The following ME1 variants were observed in gnomAD, a reference collection of about 807,000 sequenced individuals.
The protein encoded by ME1 is malic enzyme 1.
In ME1, 74 loss-of-function variants were observed where a neutral mutation model predicts 66.4. The observed-to-expected ratio is 1.11, with a 90% confidence interval of 0.92 to 1.35. ME1 has a LOEUF of 1.35. Ranked by LOEUF, ME1 falls within the 40% of genes most tolerant of loss-of-function variation. The pLI is 0.00. For synonymous variants in ME1, 251 were observed against 235.6 expected, an observed-to-expected ratio of 1.07 and a Z score of -0.60; for missense variants, 750 against 694.1, an observed-to-expected ratio of 1.08 and a Z score of -0.90.
At chr6:83,319,414 C>A (rs559912718) in intron 5 of ME1, among the ~76,000 whole-genome samples, 46 of 152,052 alleles carry the variant, frequency 3.0e-4, no homozygotes, top group African/African-American at 9.9e-4. Flanking sequence ...AGGAAGGAGG[C>A]CTATTTTGAA....
intron 3 of ME1, among the ~76,000 whole-genome samples, chr6:83,359,092 G>A (rs1250140106): frequency 1.3e-5 from 2 of 151,820 alleles, no homozygotes; most frequent in African/African-American, 2.4e-5. Context: ...GGGGTGGCTG[G>A]GCAGAGGCGC....
chr6:83,344,149 G>A (rs1044340281), intron 5 of ME1, among the ~76,000 whole-genome samples: 1 of 151,512 alleles, frequency 6.6e-6, no homozygotes, highest in African/African-American at 2.4e-5. Flanking sequence ...AGATTGGTGT[G>A]GTGGTGCACA....
intron 6 of ME1, among the ~76,000 whole-genome samples, chr6:83,260,591 T>C (rs1028201209): frequency 6.6e-6 from 1 of 152,106 alleles, no homozygotes; most frequent in Non-Finnish European, 1.5e-5. Context: ...CCCTCTGGGG[T>C]GGTGATGAGA....
chr6:83,346,464 A>G (rs899783827), intron 4 of ME1, 130 bp from the exon 5 acceptor site: 1 of 522,356 alleles, frequency 1.9e-6, no homozygotes, highest in Non-Finnish European at 3.2e-6. Context: ...AATATTTATG[A>G]AAAAGATTTT....
intron 6 of ME1, among the ~76,000 whole-genome samples, chr6:83,293,131 T>G (rs1169344050): frequency 2.0e-5 from 3 of 152,158 alleles, no homozygotes; most frequent in Non-Finnish European, 2.9e-5. Context: ...CTGCTTCAGC[T>G]TGCCCTCTGT....
chr6:83,427,866 G>A (rs1369606538), intron 1 of ME1, among the ~76,000 whole-genome samples: 3 of 152,024 alleles, frequency 2.0e-5, no homozygotes, highest in Admixed American at 6.5e-5. Context: ...ATAGAAATTA[G>A]CTGGGCATAG....
At chr6:83,351,887 C>A (rs1331149825) in intron 4 of ME1, among the ~76,000 whole-genome samples, 177 bp downstream of exon 4, 1 of 151,910 alleles carries the variant, frequency 6.6e-6, no homozygotes, top group African/African-American at 2.4e-5. Context: ...ATCTAAATGG[C>A]ATCAGAATAA....
intron 6 of ME1, among the ~76,000 whole-genome samples, chr6:83,265,337 T>A (rs982789083): frequency 6.6e-6 from 1 of 152,074 alleles, no homozygotes; most frequent in Admixed American, 6.6e-5. Context: ...CACTCCATCA[T>A]CCAGACTGGA....
chr6:83,211,892 C>T lies in ME1; in HGVS notation c.*32G>A. 6.8e-7 allele frequency: 1 copy of T among 1,464,692 alleles called. No individual in the cohort carries two copies. Among genetic ancestry groups the T allele is most frequent in the South Asian group, 1.5e-5 (1 of 66,778 alleles). The allele number at this position is 1,464,692 out of a possible 1,614,324, so 90.7% of individuals were successfully genotyped here. On this transcript the variant is annotated 3_prime_UTR_variant, in exon 14 of 14. Coordinates refer to ENST00000369705, the MANE Select transcript of ME1 (RefSeq NM_002395.6). ...AAAATTATGAAAGGTTTAAAGACCT[C>T]ATTAATAGAGTTAGAAATGTTTGCT...
intron 6 of ME1, among the ~76,000 whole-genome samples, chr6:83,305,282 A>G (rs1767803195): frequency 6.6e-6 from 1 of 152,166 alleles, no homozygotes; most frequent in Non-Finnish European, 1.5e-5. Flanking sequence ...CATATCTTCT[A>G]GTGGAAGAAA....
At chr6:83,285,078 T>C (rs1767372204) in intron 6 of ME1, among the ~76,000 whole-genome samples, 1 of 152,196 alleles carries the variant, frequency 6.6e-6, no homozygotes, top group Non-Finnish European at 1.5e-5. Context: ...CGTTTTGTCT[T>C]TTCTTAACAT....
intron 8 of ME1, among the ~76,000 whole-genome samples, chr6:83,239,201 T>C (rs1790465980): frequency 6.6e-6 from 1 of 152,080 alleles, no homozygotes; most frequent in African/African-American, 2.4e-5. Flanking sequence ...TAAAAGCCAG[T>C]ATCAGATAAA....
At chr6:83,365,660 T>C (rs1391448176) in intron 3 of ME1, among the ~76,000 whole-genome samples, 1 of 152,188 alleles carries the variant, frequency 6.6e-6, no homozygotes, top group Non-Finnish European at 1.5e-5. Flanking sequence ...AGGAGTTCCT[T>C]ACTAGCTATA....
intron 1 of ME1, among the ~76,000 whole-genome samples, chr6:83,417,366 G>GT (rs1167133929): frequency 7.6e-6 from 1 of 130,806 alleles, no homozygotes; most frequent in South Asian, 2.3e-4. Flanking sequence ...TTTTTTTGTT[G>GT]TTTTTTGTTG....
chr6:83,346,062 G>A, intron 5 of ME1, 111 bp downstream of exon 5: 1 of 859,024 alleles, frequency 1.2e-6, no homozygotes, highest in Non-Finnish European at 1.7e-6. Context: ...GAGAGAAAGA[G>A]AACCAGACAA....
intron 6 of ME1, among the ~76,000 whole-genome samples, chr6:83,296,490 A>G (rs892334980): frequency 4.6e-5 from 7 of 152,208 alleles, no homozygotes; most frequent in African/African-American, 1.7e-4. Context: ...AAAATGCTCA[A>G]TAAACTATGT....
chr6:83,221,997 T>C (rs1371054124), intron 12 of ME1, among the ~76,000 whole-genome samples: 2 of 152,176 alleles, frequency 1.3e-5, no homozygotes, highest in Non-Finnish European at 2.9e-5. Flanking sequence ...ATTTTTTTTT[T>C]CCTTCAAAGT....
intron 5 of ME1, among the ~76,000 whole-genome samples, chr6:83,330,884 G>A (rs1768393786): frequency 6.6e-6 from 1 of 152,108 alleles, no homozygotes; most frequent in African/African-American, 2.4e-5. Context: ...GAAACTCCAA[G>A]CCAAACTCCT....
At chr6:83,239,158 T>G (rs1288107768) in intron 8 of ME1, among the ~76,000 whole-genome samples, 1 of 152,114 alleles carries the variant, frequency 6.6e-6, no homozygotes, top group East Asian at 1.9e-4. Flanking sequence ...GAGTCAAATT[T>G]TAAAAACTTG....
Sources: gnomAD v4.1 joint callset for allele counts (sites outside exome capture counted in the v4.1 genomes callset) on GRCh38, gnomAD v4.1.1 for gene constraint, MANE v1.5 for transcripts, NCBI Gene and HGNC (gene_info 2026-07-23, HGNC 2026-07-21) for gene names.